Variants in LINGO2 observed in about 807,000 individuals in gnomAD.
LINGO2 encodes leucine rich repeat and Ig domain containing 2.
In LINGO2, 14 loss-of-function variants were observed where a neutral mutation model predicts 30.6. The observed-to-expected ratio is 0.46, with a 90% CI of 0.30 to 0.72. The LOEUF is 0.72. Among genes scored for constraint, LINGO2 ranks in the 30% least tolerant of loss-of-function variants. The pLI is 0.07. For missense variants in LINGO2, 729 were observed against 751.7 expected, an observed-to-expected ratio of 0.97 and a Z score of 0.35; for synonymous variants, 317 against 288.5, an observed-to-expected ratio of 1.10 and a Z score of -1.00.
the LINGO2 span, among the ~76,000 whole-genome samples, chr9:28,932,721 C>T: frequency 6.6e-6 from 1 of 152,050 alleles, no homozygotes; most frequent in African/African-American, 2.4e-5. Context: ...AATCTCCTCC[C>T]CTTTCCTCCT....
At chr9:28,094,354 A>C (rs1405946522) in intron 4 of LINGO2, among the ~76,000 whole-genome samples, 1 of 152,060 alleles carries the variant, frequency 6.6e-6, no homozygotes, top group Non-Finnish European at 1.5e-5. Context: ...ATATTTCTGT[A>C]AGGTATTTTC....
At chr9:27,981,491 T>C (rs1820851730) in intron 5 of LINGO2, among the ~76,000 whole-genome samples, 2 of 139,178 alleles carry the variant, frequency 1.4e-5, no homozygotes, top group Admixed American at 7.5e-5. Context: ...AGTATGGTTT[T>C]GTTTGAATGG....
chr9:28,961,073 G>A, the LINGO2 span, among the ~76,000 whole-genome samples: 1 of 152,040 alleles, frequency 6.6e-6, no homozygotes, highest in African/African-American at 2.4e-5. Flanking sequence ...AGATTTATTT[G>A]GCTAAGAAGC....
At chr9:28,239,811 G>C (rs1433708179) in intron 4 of LINGO2, among the ~76,000 whole-genome samples, 1 of 152,144 alleles carries the variant, frequency 6.6e-6, no homozygotes. Flanking sequence ...AAGAAATAAA[G>C]GGCATCCAAA....
the LINGO2 span, among the ~76,000 whole-genome samples, chr9:28,708,084 C>A: frequency 2.4e-3 from 359 of 152,112 alleles, 4 homozygotes; most frequent in Middle Eastern, 0.017. Flanking sequence ...AATTCTAAGT[C>A]TACTAAATGG....
At position 28,543,615 on chromosome 9, in the gene LINGO2, T is replaced by C. The variant is rs545761728; in HGVS notation, c.-364-67590A>G. 4.5e-4 allele frequency among the ~76,000 whole-genome samples: 69 copies of C among 152,224 alleles called. 1 individual carries two copies. In the South Asian group the frequency reaches 0.014, roughly 31 times the overall value. On this transcript the variant is annotated intron_variant, in intron 1 of 5. Coordinates refer to ENST00000379992, the Ensembl canonical transcript of LINGO2. ...GTTAACAAAAAAAGGTATATGAATG[T>C]ATAAAAAAATCTCCTTACTTTTTCT...
chr9:28,556,356 A>T (rs1283266911), intron 1 of LINGO2, among the ~76,000 whole-genome samples: 1 of 131,926 alleles, frequency 7.6e-6, no homozygotes, highest in Non-Finnish European at 1.6e-5. Flanking sequence ...CCAACAACAG[A>T]CAAACAGAGA....
the LINGO2 span, among the ~76,000 whole-genome samples, chr9:29,035,439 T>C: frequency 3.3e-5 from 5 of 151,908 alleles, no homozygotes; most frequent in African/African-American, 1.2e-4. Context: ...AAAAAACTTT[T>C]CTTCAGCTCA....
At chr9:27,938,304 C>T in the LINGO2 span, 2 of 151,866 alleles carry the variant, frequency 1.3e-5, no homozygotes, top group Non-Finnish European at 2.9e-5. Flanking sequence ...ACCTGGGGCT[C>T]CCAGGGAAAG....
chr9:28,911,611 ATTC>A, the LINGO2 span, among the ~76,000 whole-genome samples: 3 of 152,104 alleles, frequency 2.0e-5, no homozygotes, highest in Non-Finnish European at 4.4e-5. Flanking sequence ...CCTCAGCCTT[ATTC>A]AATTTAATAT....
At chr9:28,009,239 G>A (rs534753394) in intron 5 of LINGO2, among the ~76,000 whole-genome samples, 63 of 150,548 alleles carry the variant, frequency 4.2e-4, no homozygotes, top group African/African-American at 1.5e-3. Flanking sequence ...ACACAAAAAA[G>A]TTAACTCAAA....
chr9:28,719,072 A>G, the LINGO2 span, among the ~76,000 whole-genome samples: 1 of 151,488 alleles, frequency 6.6e-6, no homozygotes, highest in Admixed American at 6.6e-5. Context: ...AAACTCCCAA[A>G]CTCTCATCCT....
intron 3 of LINGO2, among the ~76,000 whole-genome samples, chr9:28,299,971 G>A (rs1057194257): frequency 1.3e-5 from 2 of 151,956 alleles, no homozygotes; most frequent in African/African-American, 2.4e-5. Context: ...CAATTCACTT[G>A]ATTTTTTTTG....
intron 5 of LINGO2, among the ~76,000 whole-genome samples, chr9:28,006,859 C>G (rs756996293): frequency 2.6e-4 from 39 of 152,086 alleles, no homozygotes; most frequent in Non-Finnish European, 5.4e-4. Context: ...CAATACCTAA[C>G]AAATGTTTAT....
At chr9:28,351,390 G>GA (rs1478476601) in intron 3 of LINGO2, among the ~76,000 whole-genome samples, 1 of 150,734 alleles carries the variant, frequency 6.6e-6, no homozygotes, top group Non-Finnish European at 1.5e-5. Flanking sequence ...AAATAAACTA[G>GA]AAAATCTAGA....
At chr9:28,043,496 T>G (rs1276701945) in intron 4 of LINGO2, among the ~76,000 whole-genome samples, 1 of 152,196 alleles carries the variant, frequency 6.6e-6, no homozygotes, top group Non-Finnish European at 1.5e-5. Flanking sequence ...ATTACGTAAA[T>G]GCATGTTTGC....
intron 4 of LINGO2, among the ~76,000 whole-genome samples, chr9:28,284,741 T>C (rs1041675746): frequency 1.1e-4 from 16 of 152,322 alleles, no homozygotes; most frequent in African/African-American, 3.4e-4. Context: ...TAAAGATATA[T>C]GTTAACATTT....
At chr9:28,637,015 G>A (rs979646487) in intron 1 of LINGO2, among the ~76,000 whole-genome samples, 7 of 152,110 alleles carry the variant, frequency 4.6e-5, no homozygotes, top group African/African-American at 1.7e-4. Flanking sequence ...GTAAGGAAGG[G>A]ATCCAGTTTC....
intron 2 of LINGO2, among the ~76,000 whole-genome samples, chr9:28,419,528 A>G (rs540025714): frequency 6.6e-6 from 1 of 152,154 alleles, no homozygotes; most frequent in East Asian, 1.9e-4. Context: ...CCTTAAACAT[A>G]GAAACGGAAG....
Sources: allele counts gnomAD v4.1 joint callset (sites outside exome capture counted in the v4.1 genomes callset), GRCh38; gene constraint gnomAD v4.1.1; transcripts MANE v1.5; gene names NCBI Gene and HGNC (gene_info 2026-07-23, HGNC 2026-07-21).